HMGN4: variants seen among roughly 807,000 people sequenced by gnomAD.
HMGN4 encodes high mobility group nucleosome-binding domain-containing protein 4.
For missense variants in HMGN4, 69 were observed against 104.9 expected, an observed-to-expected ratio of 0.66 and a Z score of 1.49; for synonymous variants, 39 against 39.1, an observed-to-expected ratio of 1.00 and a Z score of 0.01.
At chr6:26,540,760 G>A (rs1764279595) in intron 1 of HMGN4, among the ~76,000 whole-genome samples, 1 of 152,164 alleles carries the variant, frequency 6.6e-6, no homozygotes, top group African/African-American at 2.4e-5. Flanking sequence ...TTAAGTAAGA[G>A]GCAGGGAGGG....
chr6:26,541,977 T>G (rs1764291700), intron 1 of HMGN4, among the ~76,000 whole-genome samples: 1 of 152,256 alleles, frequency 6.6e-6, no homozygotes, highest in Non-Finnish European at 1.5e-5. Flanking sequence ...TGCCATGTCT[T>G]GGGAAAATAA....
At chr6:26,545,061 G>T in intron 1 of HMGN4, 66 bp from the exon 2 acceptor site, 2 of 586,264 alleles carry the variant, frequency 3.4e-6, no homozygotes, top group South Asian at 4.5e-5. Context: ...TAGTCAATTT[G>T]ATTTTTAACG....
intron 1 of HMGN4, chr6:26,540,029 G>T (rs935662800): frequency 6.6e-6 from 1 of 152,270 alleles, no homozygotes; most frequent in Non-Finnish European, 1.5e-5. Flanking sequence ...CCTGGAAGGT[G>T]AGTGTGCCCC....
chr6:26,546,571 T>A lies in HMGN4; in HGVS notation c.*1092T>A, dbSNP rs1764353657. 6.6e-6 allele frequency among the ~76,000 whole-genome samples: 1 copy of A among 152,164 alleles called. No homozygotes were observed. Among genetic ancestry groups the A allele is most frequent in the African/African-American group, 2.4e-5 (1 of 41,426 alleles). ...CTAATCTTGTAGCAGTACAGTACAG[T>A]CCTGATTATTGCAACTTTAGGAAAA... is the stretch of plus-strand genomic sequence containing the variant. On this transcript the variant is annotated 3_prime_UTR_variant, in exon 2 of 2. Transcript: ENST00000377575.
chr6:26,543,901 C>G (rs1048693363), intron 1 of HMGN4, among the ~76,000 whole-genome samples: 1 of 151,260 alleles, frequency 6.6e-6, no homozygotes, highest in Non-Finnish European at 1.5e-5. Flanking sequence ...AAGGGTGGGG[C>G]AGAAGGTATG....
intron 1 of HMGN4, among the ~76,000 whole-genome samples, chr6:26,543,662 G>C (rs1369736878): frequency 6.9e-6 from 1 of 145,190 alleles, no homozygotes; most frequent in Non-Finnish European, 1.5e-5. Flanking sequence ...CCAGGAGGCT[G>C]AGGCAGGAGA....
In HMGN4 at chr6:26,545,478, G is replaced by C. The variant is rs369265989; in HGVS notation, c.272G>C (p.Ter91SerextTer5). The change falls in exon 2 of 2, where the codon TGA becomes TCA. Residue 91 changes from the stop codon to serine, a stop_lost. Coordinates refer to ENST00000377575, the MANE Select transcript of HMGN4 (RefSeq NM_006353.3). ...GCGGAAGGCACTGGGGATGCCAAGT[G>C]AAATGTACATTTTTGAGAGCTCTGT... Reference protein sequence around the residue: ...QKAEGTGDAK* With the variant: ...QKAEGTGDAKS The C allele has an allele frequency of 1.9e-6, 3 of 1,545,988 alleles. No homozygotes were observed. In the African/African-American group the frequency reaches 4.2e-5, roughly 21 times the overall value.
chr6:26,539,527 T>C (rs1038303105), intron 1 of HMGN4, among the ~76,000 whole-genome samples: 1 of 150,348 alleles, frequency 6.7e-6, no homozygotes, highest in African/African-American at 2.5e-5. Context: ...CGCCTCGGCC[T>C]CCCAAAGTGC....
rs529122655 is a variant in HMGN4, at chr6:26,542,911, CTG to C, written c.-80-2211_-80-2210del. Among the ~76,000 whole-genome samples, 232 of 152,258 alleles carry C rather than the reference CTG, an allele frequency of 1.5e-3. No homozygotes were observed. The highest frequency in any genetic ancestry group is 4.2e-3 in the African/African-American group (176 of 41,532). Reference sequence around the variant, plus strand: ...AGAAGACTGAACCCAGGAAAAGAGACTGTGTGAGCATTCTCACACCAGGAAAT... The same window carrying C: ...AGAAGACTGAACCCAGGAAAAGAGACTGTGAGCATTCTCACACCAGGAAAT... On this transcript the variant is annotated intron_variant, in intron 1 of 1. Transcript: ENST00000377575. This position sits in a 1 kb window ranked among gnomAD's most constrained non-coding sequence, Gnocchi z 4.6.
At position 26,542,152 on chromosome 6, in the gene HMGN4, T is replaced by G. The variant is rs542171732; in HGVS notation, c.-80-2975T>G. On this transcript the variant is annotated intron_variant, in intron 1 of 1. Transcript: ENST00000377575. The surrounding 1 kb of genome is among the most constrained non-coding windows in gnomAD (Gnocchi z 4.6). ...AGTATTTGTAATGACTTTTATATTTTATCATTAACATTATTTTTTTGAACT... is the reference window on the plus strand; with the variant it reads ...AGTATTTGTAATGACTTTTATATTTGATCATTAACATTATTTTTTTGAACT... Among the ~76,000 whole-genome samples, 20 of 152,354 alleles carry G rather than the reference T, an allele frequency of 1.3e-4. No homozygotes were observed. In the South Asian group the frequency reaches 4.1e-3, roughly 32 times the overall value.
intron 1 of HMGN4, among the ~76,000 whole-genome samples, chr6:26,539,645 A>G (rs1213825793): frequency 1.5e-5 from 2 of 133,314 alleles, no homozygotes; most frequent in Non-Finnish European, 3.2e-5. Context: ...AAAAAAAAAA[A>G]AAAAAAAAGA....
intron 1 of HMGN4, among the ~76,000 whole-genome samples, chr6:26,538,979 C>T (rs1764253530): frequency 6.6e-6 from 1 of 152,148 alleles, no homozygotes; most frequent in African/African-American, 2.4e-5. Flanking sequence ...TTTGCTATTC[C>T]ATCACAAAGA....
intron 1 of HMGN4, among the ~76,000 whole-genome samples, chr6:26,540,876 G>C (rs1337949802): frequency 2.0e-5 from 3 of 152,162 alleles, no homozygotes; most frequent in Non-Finnish European, 4.4e-5. Context: ...AAAAGATGCT[G>C]CTAAAATGTG....
In HMGN4 at chr6:26,545,524, T is replaced by G. The variant is rs781205051; in HGVS notation, c.*45T>G. The G allele has an allele frequency of 4.8e-6, 7 of 1,461,404 alleles. No individual in the cohort carries two copies. In the South Asian group the frequency reaches 9.2e-5, roughly 19 times the overall value. 90.5% of individuals were successfully genotyped at this position (1,461,404 alleles called of 1,614,324 possible). On this transcript the variant is annotated 3_prime_UTR_variant, in exon 2 of 2. Transcript: ENST00000377575. ...TCTGTACTTATAGTGACTCTACTGT[T>G]TGAAATACTATTTTTTTAAATCAAG...
intron 1 of HMGN4, among the ~76,000 whole-genome samples, chr6:26,543,719 C>T (rs966368075): frequency 2.2e-5 from 3 of 138,016 alleles, no homozygotes; most frequent in Non-Finnish European, 4.6e-5. Context: ...CGAGATCGCA[C>T]CACTGCACTC....
intron 1 of HMGN4, among the ~76,000 whole-genome samples, chr6:26,540,328 CT>C (rs11333869): frequency 0.8 from 115,102 of 144,078 alleles, 45,918 homozygotes; most frequent in South Asian, 0.91. Flanking sequence ...GCCTGTGAAT[CT>C]TTTTTTTTTT....
Position 26,545,428 on chromosome 6 carries a change from T to C in HMGN4, c.222T>C (p.Asp74=). The C allele has an allele frequency of 1.2e-6, 2 of 1,608,112 alleles. No individual in the cohort carries two copies. Among genetic ancestry groups the C allele is most frequent in the Non-Finnish European group, 8.5e-7 (1 of 1,177,876 alleles). ...GGAACAACCCTGCAAAAAACCGAGA[T>C]GCCTCTACACTCCAGTCCCAGAAAG... is the stretch of plus-strand genomic sequence containing the variant. ...KDGNNPAKNR[D]ASTLQSQKAE... The change falls in exon 2 of 2, where the codon GAT becomes GAC. Residue 74 remains aspartate (D), a synonymous_variant. Transcript: ENST00000377575.
Position 26,542,817 on chromosome 6 carries a change from AT to A in HMGN4, c.-80-2306del, listed in dbSNP as rs1764303267. On this transcript the variant is annotated intron_variant, in intron 1 of 1. Transcript: ENST00000377575. This position sits in a 1 kb window ranked among gnomAD's most constrained non-coding sequence, Gnocchi z 4.6. The stretch of plus-strand genomic sequence containing the variant: ...CTGATTTTATTTTGTCACCTGCTGT[AT>A]TTTGGCCTTTGACATGTGGAGATCA... Among the ~76,000 whole-genome samples the A allele has an allele frequency of 6.6e-6, 1 of 152,134 alleles. No homozygotes were observed. Among genetic ancestry groups the A allele is most frequent in the Admixed American group, 6.5e-5 (1 of 15,278 alleles).
At chr6:26,539,689 C>T (rs1387615187) in intron 1 of HMGN4, among the ~76,000 whole-genome samples, 1 of 148,834 alleles carries the variant, frequency 6.7e-6, no homozygotes, top group Non-Finnish European at 1.5e-5. Flanking sequence ...TGTTAATGAG[C>T]TGTTTTCTTT....
Sources: allele counts gnomAD v4.1 joint callset (sites outside exome capture counted in the v4.1 genomes callset), GRCh38; gene constraint gnomAD v4.1.1; non-coding constraint Gnocchi (gnomAD v3.1); transcripts MANE v1.5; gene names NCBI Gene and HGNC (gene_info 2026-07-23, HGNC 2026-07-21).